The following BBX variants were observed in gnomAD, a reference collection of about 807,000 sequenced individuals.
BBX encodes the protein HMG box transcription factor BBX.
A neutral mutation model predicts 100.2 loss-of-function variants in BBX; 30 were observed. The observed-to-expected ratio is 0.30, with a 90% CI of 0.22 to 0.41. The LOEUF is 0.41. Among genes scored for constraint, BBX ranks in the 10% least tolerant of loss-of-function variants. The pLI is 1.00. For synonymous variants in BBX, 376 were observed against 388.1 expected (o/e 0.97, Z 0.37); for missense variants, 1,023 against 1,129.8 (o/e 0.91, Z 1.35).
At chr3:107,614,565 A>G (rs1390315886) in intron 2 of BBX, among the ~76,000 whole-genome samples, 1 of 152,140 alleles carries the variant, frequency 6.6e-6, no homozygotes, top group East Asian at 1.9e-4. Context: ...GGATAGGAAA[A>G]TCTGAAGATC....
chr3:107,605,583 G>GAT (rs946075538), intron 2 of BBX, among the ~76,000 whole-genome samples: 2 of 152,126 alleles, frequency 1.3e-5, no homozygotes, highest in African/African-American at 4.8e-5. Flanking sequence ...TGGAGAGTTA[G>GAT]ATATCCCTTC....
At chr3:107,690,438 T>G (rs181673033) in intron 3 of BBX, among the ~76,000 whole-genome samples, 1 of 152,282 alleles carries the variant, frequency 6.6e-6, no homozygotes, top group Non-Finnish European at 1.5e-5. Flanking sequence ...ATGGACTAAA[T>G]TAATGAGAAA....
intron 2 of BBX, among the ~76,000 whole-genome samples, chr3:107,549,803 G>A (rs1212142540): frequency 2.6e-5 from 4 of 151,586 alleles, no homozygotes; most frequent in Admixed American, 1.3e-4. Flanking sequence ...ATAGCAGTCA[G>A]GTGAGCTATT....
chr3:107,554,384 T>G lies in BBX; in HGVS notation c.-84+27986T>G, dbSNP rs182799783. On this transcript the variant is annotated intron_variant, in intron 2 of 17. Coordinates refer to ENST00000325805, the MANE Select transcript of BBX (RefSeq NM_001142568.3). ...GGTATCCAAGAAATTGTAAATAGAC[T>G]GATGTCATTTCACTTACTTTTGAAA... is the stretch of plus-strand genomic sequence containing the variant. Among the ~76,000 whole-genome samples, 1,348 of 152,354 alleles carry G rather than the reference T, an allele frequency of 8.8e-3. 66 individuals are homozygous for G. The highest frequency in any genetic ancestry group is 0.075 in the Admixed American group (1,144 of 15,302).
intron 2 of BBX, among the ~76,000 whole-genome samples, chr3:107,585,927 A>G (rs1487329862): frequency 1.3e-5 from 2 of 152,224 alleles, no homozygotes; most frequent in Non-Finnish European, 2.9e-5. Context: ...TTCAGTTTTC[A>G]CTTGGCTATT....
intron 2 of BBX, among the ~76,000 whole-genome samples, chr3:107,620,943 TG>T (rs1491458738): frequency 8.8e-6 from 1 of 114,210 alleles, no homozygotes; most frequent in African/African-American, 3.8e-5. Flanking sequence ...AGTGTGTGTG[TG>T]GGGGGGTGGG....
intron 16 of BBX, among the ~76,000 whole-genome samples, chr3:107,800,071 T>A (rs552413148): frequency 6.6e-6 from 1 of 152,350 alleles, no homozygotes; most frequent in African/African-American, 2.4e-5. Context: ...TTTGAATATT[T>A]AGATTGTTAG....
At chr3:107,542,734 A>G (rs1223236650) in intron 2 of BBX, among the ~76,000 whole-genome samples, 1 of 152,180 alleles carries the variant, frequency 6.6e-6, no homozygotes, top group African/African-American at 2.4e-5. Flanking sequence ...TCTTCTGGTA[A>G]ATGGTGTTGC....
intron 3 of BBX, among the ~76,000 whole-genome samples, chr3:107,678,324 A>G (rs115388633): frequency 0.016 from 2,466 of 152,214 alleles, 68 homozygotes; most frequent in African/African-American, 0.056. Flanking sequence ...CACTGGATTA[A>G]AGCAGCATAG....
chr3:107,582,433 C>A (rs752166107), intron 2 of BBX, among the ~76,000 whole-genome samples: 1 of 151,916 alleles, frequency 6.6e-6, no homozygotes, highest in Non-Finnish European at 1.5e-5. Flanking sequence ...GTTGAAGGAT[C>A]GTCCTAGTCT....
intron 15 of BBX, among the ~76,000 whole-genome samples, chr3:107,793,596 A>G (rs1281516335): frequency 6.6e-6 from 1 of 152,178 alleles, no homozygotes; most frequent in African/African-American, 2.4e-5. Flanking sequence ...ATCACTGCTT[A>G]TTGAAACTTC....
At chr3:107,541,651 A>G (rs2048871963) in intron 2 of BBX, among the ~76,000 whole-genome samples, 1 of 152,032 alleles carries the variant, frequency 6.6e-6, no homozygotes, top group Non-Finnish European at 1.5e-5. Flanking sequence ...TTATATTTAG[A>G]TTATGTTAAT....
intron 3 of BBX, among the ~76,000 whole-genome samples, chr3:107,666,572 C>T (rs329924): frequency 0.99 from 150,788 of 152,338 alleles, 74,650 homozygotes; most frequent in Middle Eastern, 1. Context: ...TCAAATTATT[C>T]ATTATTTTTT....
At chr3:107,701,337 G>C (rs1158712831) in intron 3 of BBX, among the ~76,000 whole-genome samples, 1 of 152,138 alleles carries the variant, frequency 6.6e-6, no homozygotes, top group African/African-American at 2.4e-5. Context: ...TGGCAGAGTG[G>C]CCTTGGGCAT....
At chr3:107,592,159 TA>T in intron 2 of BBX, among the ~76,000 whole-genome samples, 1 of 152,228 alleles carries the variant, frequency 6.6e-6, no homozygotes, top group Non-Finnish European at 1.5e-5. Flanking sequence ...TTACAAAATG[TA>T]ATCTACTTAC....
At chr3:107,705,604 G>C (rs1293205782) in intron 3 of BBX, among the ~76,000 whole-genome samples, 1 of 152,172 alleles carries the variant, frequency 6.6e-6, no homozygotes, top group Non-Finnish European at 1.5e-5. Flanking sequence ...TATCAAATGG[G>C]AGACATCTAT....
chr3:107,731,699 A>C (rs1402535892), intron 6 of BBX, among the ~76,000 whole-genome samples: 1 of 150,164 alleles, frequency 6.7e-6, no homozygotes, highest in African/African-American at 2.4e-5. Context: ...CTACCTCAGA[A>C]CTTTTTTTGC....
chr3:107,658,101 C>A (rs1265755801), intron 3 of BBX, among the ~76,000 whole-genome samples: 1 of 151,974 alleles, frequency 6.6e-6, no homozygotes, highest in Non-Finnish European at 1.5e-5. Context: ...AAAGAAGTAG[C>A]CATGTTGTAT....
At position 107,750,754 on chromosome 3, in the gene BBX, A is replaced by G. The variant is rs201499752; in HGVS notation, c.825+2715A>G. 6.6e-5 allele frequency among the ~76,000 whole-genome samples: 10 copies of G among 152,372 alleles called. 2 individuals are homozygous for G. The South Asian group carries it at 2.1e-3, about 32-fold the overall frequency. On this transcript the variant is annotated intron_variant, in intron 9 of 17. Coordinates refer to ENST00000325805, the MANE Select transcript of BBX (RefSeq NM_001142568.3). ...AGAAAAATATCTACTAAAATCTGCT[A>G]TGAGCATATGTATTGCAACAGAAAT...
Sources: allele counts gnomAD v4.1 joint callset (sites outside exome capture counted in the v4.1 genomes callset), GRCh38; gene constraint gnomAD v4.1.1; transcripts MANE v1.5; gene names NCBI Gene and HGNC (gene_info 2026-07-23, HGNC 2026-07-21).